Variants in DSCAM observed in about 807,000 individuals in gnomAD.
DSCAM encodes the protein cell adhesion molecule DSCAM.
In DSCAM, 47 loss-of-function variants were observed where a neutral mutation model predicts 217.7. The ratio of observed to expected loss-of-function variants is 0.22; its 90% CI spans 0.17 to 0.28. DSCAM has a LOEUF of 0.28. DSCAM is among the 10% of genes least tolerant of loss of function. The pLI, the probability that DSCAM is intolerant of heterozygous loss-of-function variation, is 1.00. For missense variants in DSCAM, 2,080 were observed against 2,618.3 expected (o/e 0.79, Z 4.49); for synonymous variants, 1,056 against 1,015.3 (o/e 1.04, Z -0.76).
At chr21:40,770,853 G>A (rs546305227) in intron 1 of DSCAM, among the ~76,000 whole-genome samples, 1 of 152,348 alleles carries the variant, frequency 6.6e-6, no homozygotes, top group South Asian at 2.1e-4. Context: ...AAACTTTTTA[G>A]TTGTTACTAA....
chr21:40,359,491 A>G (rs2074734232), intron 4 of DSCAM, among the ~76,000 whole-genome samples: 1 of 152,230 alleles, frequency 6.6e-6, no homozygotes, highest in Non-Finnish European at 1.5e-5. Context: ...CCCTAAATGA[A>G]TGAAAACATG....
chr21:40,757,865 T>C (rs923550170), intron 1 of DSCAM, among the ~76,000 whole-genome samples: 5 of 152,158 alleles, frequency 3.3e-5, no homozygotes, highest in African/African-American at 1.2e-4. Context: ...CGTATATCCA[T>C]CACAGTGGAC....
intron 3 of DSCAM, among the ~76,000 whole-genome samples, chr21:40,581,202 G>A (rs1334133290): frequency 6.6e-6 from 1 of 152,152 alleles, no homozygotes; most frequent in Non-Finnish European, 1.5e-5. Context: ...GCAGAAGCTG[G>A]GGAATGCGCT....
At chr21:40,361,064 C>T (rs560530401) in intron 4 of DSCAM, among the ~76,000 whole-genome samples, 22 of 151,940 alleles carry the variant, frequency 1.4e-4, no homozygotes, top group South Asian at 6.2e-4. Context: ...TCTGAATAAC[C>T]GAACGGCATT....
intron 12 of DSCAM, among the ~76,000 whole-genome samples, chr21:40,188,517 G>T (rs2090920124): frequency 6.6e-6 from 1 of 152,110 alleles, no homozygotes; most frequent in African/African-American, 2.4e-5. Context: ...CCCACCCTGT[G>T]TGTGCTACAG....
At position 40,488,190 on chromosome 21, in the gene DSCAM, C is replaced by T. The variant is rs75968388; in HGVS notation, c.509-118945G>A. Among the ~76,000 whole-genome samples the T allele has an allele frequency of 7.8e-3, 1,189 of 152,302 alleles. 13 individuals carry two copies. The highest frequency in any genetic ancestry group is 0.026 in the African/African-American group (1,062 of 41,554). ...TGAGTGTGTCGCCCTCTCTGTACTC[C>T]GCACCTGGAACAGTGGCTGGCTGGA... On this transcript the variant is annotated intron_variant, in intron 3 of 32. Transcript: ENST00000400454.
chr21:40,792,584 T>A (rs576255470), intron 1 of DSCAM, among the ~76,000 whole-genome samples: 5 of 152,214 alleles, frequency 3.3e-5, no homozygotes, highest in African/African-American at 7.2e-5. Flanking sequence ...ATTCAGTCCA[T>A]AAAAGAGAGA....
intron 3 of DSCAM, among the ~76,000 whole-genome samples, chr21:40,396,317 C>G (rs531672262): frequency 1.3e-5 from 2 of 152,264 alleles, no homozygotes; most frequent in Admixed American, 6.5e-5. Flanking sequence ...GGATTCTTCA[C>G]CATCACGCCA....
chr21:40,628,490 T>C (rs1723983899), intron 3 of DSCAM, among the ~76,000 whole-genome samples: 1 of 152,202 alleles, frequency 6.6e-6, no homozygotes, highest in Admixed American at 6.5e-5. Context: ...TAAATCCGTA[T>C]TGGAACACAG....
At chr21:40,579,180 GT>G (rs1463074100) in intron 3 of DSCAM, among the ~76,000 whole-genome samples, 1 of 151,946 alleles carries the variant, frequency 6.6e-6, no homozygotes, top group Non-Finnish European at 1.5e-5. Context: ...ATGGGTCTGT[GT>G]TTTTTTGGAT....
intron 10 of DSCAM, among the ~76,000 whole-genome samples, chr21:40,278,115 T>G (rs2073713179): frequency 6.6e-6 from 1 of 151,856 alleles, no homozygotes; most frequent in Non-Finnish European, 1.5e-5. Context: ...GAATAAAAAT[T>G]AAAAAGAAAA....
At chr21:40,252,935 G>A (rs957156896) in intron 11 of DSCAM, among the ~76,000 whole-genome samples, 1 of 152,194 alleles carries the variant, frequency 6.6e-6, no homozygotes, top group Non-Finnish European at 1.5e-5. Context: ...ACCCAAGTAA[G>A]GGGCGGGGGG....
At chr21:40,099,783 C>T (rs914512950) in intron 20 of DSCAM, among the ~76,000 whole-genome samples, 7 of 152,146 alleles carry the variant, frequency 4.6e-5, no homozygotes, top group African/African-American at 1.2e-4. Context: ...CATTTCCAGG[C>T]TCCAAAAGAG....
Position 40,333,812 on chromosome 21 carries a change from G to A in DSCAM, c.1783+4289C>T, listed in dbSNP as rs573064880. 2.5e-4 allele frequency among the ~76,000 whole-genome samples: 38 copies of A among 152,128 alleles called. No homozygotes were observed. The Middle Eastern group carries it at 0.017, about 68-fold the overall frequency. ...AAGCCATTCTTCTGCCTGAGTCTCC[G>A]GAGTAGCTGGAGCTACAGGTGCGTA... On this transcript the variant is annotated intron_variant, in intron 8 of 32. Coordinates refer to ENST00000400454, the MANE Select transcript of DSCAM (RefSeq NM_001389.5).
At chr21:40,434,848 T>C (rs2075568855) in intron 3 of DSCAM, among the ~76,000 whole-genome samples, 1 of 152,208 alleles carries the variant, frequency 6.6e-6, no homozygotes, top group Non-Finnish European at 1.5e-5. Flanking sequence ...CACTGATATC[T>C]ACAAGACCCA....
chr21:40,827,468 C>CAAAAA (rs55906607), intron 1 of DSCAM, among the ~76,000 whole-genome samples: 3 of 57,088 alleles, frequency 5.3e-5, no homozygotes, highest in African/African-American at 6.0e-5. Context: ...GTCCATGTCT[C>CAAAAA]AAAAAAAAAA....
rs971817573 is a variant in DSCAM, at chr21:40,055,791, G to T, written c.4969C>A (p.Arg1657=). ...GCCCTGGGTATGTCGATGTGCATTC[G>T]CAGGGTCTGCTGTTGCTTGCTTAAC... is the stretch of plus-strand genomic sequence containing the variant. ...DTLSKQQQTL[R]MHIDIPRAQL... The change falls in exon 29 of 33, where the codon CGA becomes AGA. Residue 1657 remains arginine (R), a synonymous_variant. Coordinates refer to ENST00000400454, the MANE Select transcript of DSCAM (RefSeq NM_001389.5). The T allele has an allele frequency of 1.2e-6, 2 of 1,613,628 alleles. No individual in the cohort carries two copies. Among genetic ancestry groups the T allele is most frequent in the Non-Finnish European group, 1.7e-6 (2 of 1,179,740 alleles).
chr21:40,110,304 A>G (rs941272159), intron 20 of DSCAM, among the ~76,000 whole-genome samples: 6 of 152,210 alleles, frequency 3.9e-5, no homozygotes, highest in Non-Finnish European at 5.9e-5. Flanking sequence ...CCAGGCAAAC[A>G]GGGTCTGGAG....
rs1447834337 is a variant in DSCAM, at chr21:40,338,255, C to T, written c.1629G>A (p.Leu543=). The change falls in exon 8 of 33, where the codon CTG becomes CTA. Residue 543 remains leucine, a synonymous_variant. Coordinates refer to ENST00000400454, the MANE Select transcript of DSCAM (RefSeq NM_001389.5). ...CCACTTGGCGGTGGTTGAAAGGAAG[C>T]AGGTTAGAGTTCTTGTACCATTTAA... ...YSIKWYKNSN[L]LPFNHRQVAF... The T allele has an allele frequency of 6.2e-7, 1 of 1,614,230 alleles. No homozygotes were observed. Among genetic ancestry groups the T allele is most frequent in the East Asian group, 2.2e-5 (1 of 44,892 alleles).
Sources: allele counts gnomAD v4.1 joint callset (sites outside exome capture counted in the v4.1 genomes callset), GRCh38; gene constraint gnomAD v4.1.1; transcripts MANE v1.5; gene names NCBI Gene and HGNC (gene_info 2026-07-23, HGNC 2026-07-21).